Variants in CEP44 observed in about 807,000 individuals in gnomAD.
The protein encoded by CEP44 is centrosomal protein of 44 kDa.
In CEP44, 45 loss-of-function variants were observed where a neutral mutation model predicts 46.7. That is an observed-to-expected ratio of 0.96 (90% CI 0.76 to 1.24). The LOEUF is 1.24. CEP44 is among the 50% of genes most tolerant of loss of function. The pLI is 0.00. For missense variants in CEP44, 475 were observed against 459.7 expected, an observed-to-expected ratio of 1.03 and a Z score of -0.30; for synonymous variants, 142 against 146.0, an observed-to-expected ratio of 0.97 and a Z score of 0.20.
In CEP44 at chr4:174,295,866, C is replaced by T. The variant is rs534987806; in HGVS notation, c.-147-2100C>T. Among the ~76,000 whole-genome samples the T allele has an allele frequency of 6.6e-5, 10 of 152,304 alleles. No individual in the cohort carries two copies. In the East Asian group the frequency reaches 1.7e-3, roughly 26 times the overall value. On this transcript the variant is annotated intron_variant, in intron 1 of 11. Transcript: ENST00000503780. ...TTTTCCAATTAAGTTGAGGGACTTT[C>T]CCTCTATTCCTAGTTTGCTGAGAGT...
At chr4:174,294,411 A>G (rs1467145765) in intron 1 of CEP44, among the ~76,000 whole-genome samples, 1 of 151,990 alleles carries the variant, frequency 6.6e-6, no homozygotes, top group Non-Finnish European at 1.5e-5. Flanking sequence ...TTCTTAGTAC[A>G]GAACAAAATG....
rs1490959255 is a variant in CEP44, at chr4:174,325,861, C to T, written c.1087-5621C>T. On this transcript the variant is annotated intron_variant, in intron 8 of 8. Coordinates refer to the CEP44 transcript ENST00000426172. This position sits in a 1 kb window ranked among gnomAD's most constrained non-coding sequence, Gnocchi z 4.4. The stretch of plus-strand genomic sequence containing the variant: ...TCTTTATCTCTGGTAATATTCTCTC[C>T]TGATATCTATGTTGTCTGACAGCTA... Among the ~76,000 whole-genome samples, 1 of 152,028 alleles carries T rather than the reference C, an allele frequency of 6.6e-6. No individual in the cohort carries two copies. The highest frequency in any genetic ancestry group is 1.5e-5 in the Non-Finnish European group (1 of 68,010).
At chr4:174,303,473 A>G (rs747425110) in intron 4 of CEP44, among the ~76,000 whole-genome samples, 52 of 152,170 alleles carry the variant, frequency 3.4e-4, no homozygotes, top group Non-Finnish European at 6.8e-4. Context: ...CTGGACAGAC[A>G]TCTGTTCTCC....
At chr4:174,299,027 A>G (rs1323790564) in intron 2 of CEP44, 45 bp from the exon 3 acceptor site, 11 of 1,105,974 alleles carry the variant, frequency 9.9e-6, no homozygotes, top group African/African-American at 4.8e-5. Flanking sequence ...AGAAGCTTCA[A>G]AAATACAGAG....
rs1739772350 is a variant in CEP44, at chr4:174,301,994, C to T, written c.90-45C>T. On this transcript the variant is annotated intron_variant, in intron 3 of 11. Coordinates refer to ENST00000503780, the MANE Select transcript of CEP44 (RefSeq NM_001040157.3). The surrounding 1 kb of genome is among the most constrained non-coding windows in gnomAD (Gnocchi z 4.3). ...GATTATCCAACTTTGTGGAATTATG[C>T]TTATTAAATGCTTATTAAAAATATT... 1 of 1,516,124 alleles carries T rather than the reference C, an allele frequency of 6.6e-7. No homozygotes were observed. Among genetic ancestry groups the T allele is most frequent in the Admixed American group, 2.2e-5 (1 of 45,364 alleles). The allele number at this position is 1,516,124 out of a possible 1,614,324, so 93.9% of individuals were successfully genotyped here. A position where few individuals can be genotyped will look rare whatever the true frequency, so the allele number is the denominator to read the frequency against.
At chr4:174,316,461 T>G (rs1277431506) in intron 10 of CEP44, 69 bp from the exon 11 acceptor site, 1 of 1,439,394 alleles carries the variant, frequency 6.9e-7, no homozygotes, top group Non-Finnish European at 9.7e-7. Flanking sequence ...GTTTTGTACA[T>G]TCTCGGTCCA....
At chr4:174,323,444 T>TA (rs1402446331), downstream of CEP44, among the ~76,000 whole-genome samples, 3 of 152,158 alleles carry the variant, frequency 2.0e-5, no homozygotes, top group Non-Finnish European at 4.4e-5. Context: ...ATTCCTCTGA[T>TA]ACCAAACCAG....
chr4:174,311,824 A>G lies in CEP44; in HGVS notation c.961+966A>G, dbSNP rs1473645045. On this transcript the variant is annotated intron_variant, in intron 9 of 11. Coordinates refer to ENST00000503780, the MANE Select transcript of CEP44 (RefSeq NM_001040157.3). The surrounding 1 kb of genome is among the most constrained non-coding windows in gnomAD (Gnocchi z 4.4). ...TCTGAAGTTTTTTCTTGACTGCTGC[A>G]TATTTGGAGCACATATCAATATCAT... Among the ~76,000 whole-genome samples, 1 of 152,190 alleles carries G rather than the reference A, an allele frequency of 6.6e-6. No homozygotes were observed. The highest frequency in any genetic ancestry group is 1.5e-5 in the Non-Finnish European group (1 of 68,022).
chr4:174,324,013 C>A (rs753397520), downstream of CEP44, among the ~76,000 whole-genome samples: 11 of 152,140 alleles, frequency 7.2e-5, no homozygotes, highest in African/African-American at 2.7e-4. Context: ...TAGAAGCAAG[C>A]GACTACAAAC....
At chr4:174,308,095 C>T (rs1740643928) in intron 6 of CEP44, among the ~76,000 whole-genome samples, 1 of 152,106 alleles carries the variant, frequency 6.6e-6, no homozygotes, top group Admixed American at 6.6e-5. Flanking sequence ...AGTCCCGTTA[C>T]TTGGTATATA....
intron 8 of CEP44, among the ~76,000 whole-genome samples, chr4:174,328,453 G>A (rs1731119363): frequency 6.6e-6 from 1 of 152,192 alleles, no homozygotes; most frequent in South Asian, 2.1e-4. Context: ...AATTGATACA[G>A]TGATTTGTAC....
intron 11 of CEP44, 181 bp downstream of exon 11, chr4:174,316,748 G>A: frequency 2.1e-6 from 1 of 477,364 alleles, no homozygotes; most frequent in South Asian, 3.9e-5. Flanking sequence ...TGTGAGATGA[G>A]TCACTGTTTT....
intron 8 of CEP44, among the ~76,000 whole-genome samples, chr4:174,330,760 A>AAAACATTTTCTTCATATACTTCTCTCC (rs371501179): frequency 6.6e-6 from 1 of 152,184 alleles, no homozygotes; most frequent in East Asian, 1.9e-4. Flanking sequence ...GGATTATGCC[A>AAAACATTTTCTTCATATACTTCTCTCC]AGTATGCACA....
chr4:174,310,081 A>AAAAT lies in CEP44; in HGVS notation c.885+27_885+30dup, dbSNP rs1206966520. 1 of 1,590,636 alleles carries AAAAT rather than the reference A, an allele frequency of 6.3e-7. No individual in the cohort carries two copies. The highest frequency in any genetic ancestry group is 1.1e-5 in the South Asian group (1 of 87,390). ...GGTATTTTCCTCCTTTAACATTTAT[A>AAAAT]AAATATCTCAGATATAACAAAGTTT... On this transcript the variant is annotated intron_variant, in intron 8 of 11. Coordinates refer to ENST00000503780, the MANE Select transcript of CEP44 (RefSeq NM_001040157.3). This position sits in a 1 kb window ranked among gnomAD's most constrained non-coding sequence, Gnocchi z 4.2.
rs1157408073 is a variant in CEP44 at position 174,329,788 on chromosome 4, T to C, written c.1087-1694T>C. On this transcript the variant is annotated intron_variant, in intron 8 of 8. Coordinates refer to the CEP44 transcript ENST00000426172. This position sits in a 1 kb window ranked among gnomAD's most constrained non-coding sequence, Gnocchi z 4.0. The stretch of plus-strand genomic sequence containing the variant: ...AGGCTATCATCATTCTTTCTCAAGA[T>C]AGATTTATGGTAAAAATAGACTACT... Among the ~76,000 whole-genome samples, 4 of 152,122 alleles carry C rather than the reference T, an allele frequency of 2.6e-5. No homozygotes were observed. The highest frequency in any genetic ancestry group is 2.6e-4 in the Admixed American group (4 of 15,274).
Position 174,317,684 on chromosome 4 carries a change from G to A in CEP44, c.*301G>A, listed in dbSNP as rs1741892503. The A allele has an allele frequency of 9.9e-7, 1 of 1,007,058 alleles. No homozygotes were observed. Among genetic ancestry groups the A allele is most frequent in the Non-Finnish European group, 1.2e-6 (1 of 843,824 alleles). The allele number at this position is 1,007,058 out of a possible 1,614,324, so 62.4% of individuals were successfully genotyped here. On this transcript the variant is annotated 3_prime_UTR_variant, in exon 12 of 12. Transcript: ENST00000503780. ...ATTTCTGTGTTGACATTTGTTGGCA[G>A]TGTGCTAAGTAATGTTTTTTAAAGC... is the stretch of plus-strand genomic sequence containing the variant.
rs1742696513 is a variant in CEP44, at chr4:174,326,745, A to G, written c.1087-4737A>G. 6.6e-6 allele frequency among the ~76,000 whole-genome samples: 1 copy of G among 152,016 alleles called. No individual in the cohort carries two copies. Among genetic ancestry groups the G allele is most frequent in the African/African-American group, 2.4e-5 (1 of 41,428 alleles). On this transcript the variant is annotated intron_variant, in intron 8 of 8. Transcript: ENST00000426172. The surrounding 1 kb of genome is among the most constrained non-coding windows in gnomAD (Gnocchi z 4.8). ...TCACCTTCATTTTCAAATGAAGGAT[A>G]CAATTTTAGGTGAATAGGGATTTTT... is the stretch of plus-strand genomic sequence containing the variant.
chr4:174,293,995 A>C (rs1339565983), intron 1 of CEP44, among the ~76,000 whole-genome samples: 1 of 150,874 alleles, frequency 6.6e-6, no homozygotes, highest in Non-Finnish European at 1.5e-5. Context: ...GCAAATCTCT[A>C]ATGATAAATG....
chr4:174,283,719 T>G (rs577148251), upstream of CEP44: 3 of 397,330 alleles, frequency 7.6e-6, no homozygotes, highest in African/African-American at 6.2e-5. This position sits in a 1 kb window ranked among gnomAD's most constrained non-coding sequence, Gnocchi z 6.7. Context: ...TTTTTATTTC[T>G]GTTGTTTACG....
Sources: gnomAD v4.1 joint callset for allele counts (sites outside exome capture counted in the v4.1 genomes callset) on GRCh38, gnomAD v4.1.1 for gene constraint, Gnocchi (gnomAD v3.1) non-coding constraint, MANE v1.5 for transcripts, NCBI Gene and HGNC (gene_info 2026-07-23, HGNC 2026-07-21) for gene names.